Variants in SETD5 observed in about 807,000 individuals in gnomAD.
SETD5 encodes the protein SET domain containing 5, also known as histone-lysine N-methyltransferase SETD5.
A neutral mutation model predicts 153.3 loss-of-function variants in SETD5; 44 were observed. The ratio of observed to expected loss-of-function variants is 0.29; its 90% CI spans 0.23 to 0.37. SETD5 has a LOEUF of 0.37. SETD5 is among the 10% of genes least tolerant of loss of function. SETD5 has a pLI of 1.00. For missense variants in SETD5, 1,544 were observed against 1,768.0 expected, an observed-to-expected ratio of 0.87 and a Z score of 2.27; for synonymous variants, 716 against 645.2, an observed-to-expected ratio of 1.11 and a Z score of -1.66.
chr3:9,441,352 A>ATTT (rs375612987), intron 8 of SETD5, among the ~76,000 whole-genome samples: 2 of 138,160 alleles, frequency 1.4e-5, no homozygotes, highest in African/African-American at 5.3e-5. Context: ...TTAATCATGT[A>ATTT]TTTTTTTTTT....
intron 13 of SETD5, among the ~76,000 whole-genome samples, chr3:9,446,286 CAAAAA>C (rs577044895): frequency 2.6e-4 from 6 of 22,842 alleles, no homozygotes; most frequent in African/African-American, 7.2e-4. Context: ...GACTCCATCT[CAAAAA>C]AAAAAAAAAA....
intron 1 of SETD5, among the ~76,000 whole-genome samples, chr3:9,415,386 G>A (rs181820917): frequency 2.6e-3 from 394 of 152,218 alleles, no homozygotes; most frequent in African/African-American, 7.1e-3. Flanking sequence ...TGCTTTAGAT[G>A]ACAGGAACTG....
rs1352355513 is a variant in SETD5 at position 9,447,933 on chromosome 3, C to G, written c.2030C>G (p.Ser677Cys). ...SSGENRPLTG[S>C]DPTVVSITGS... Reference sequence around the variant, plus strand: ...GGAGAAAACAGGCCATTAACAGGGTCTGACCCAACTGTGGTGTCAATTACT... The same window carrying G: ...GGAGAAAACAGGCCATTAACAGGGTGTGACCCAACTGTGGTGTCAATTACT... Residue 677 changes from serine (S) to cysteine (C), a missense_variant, in exon 15 of 23, where the codon TCT becomes TGT. Ser to Cys is a moderately radical substitution (Grantham distance 112, BLOSUM62 -1). Transcript: ENST00000402198. The G allele has an allele frequency of 6.2e-7, 1 of 1,613,946 alleles. No homozygotes were observed. Among genetic ancestry groups the G allele is most frequent in the Non-Finnish European group, 8.5e-7 (1 of 1,179,868 alleles).
At position 9,403,879 on chromosome 3, in the gene SETD5, C is replaced by T. The variant is rs1175087009; in HGVS notation, c.-177+5902C>T. On this transcript the variant is annotated intron_variant, in intron 1 of 22. Transcript: ENST00000402198. Reference sequence around the variant, plus strand: ...GTTAAAGGATCGGTGTTCTGAACAACATTTTTAGTTACTTTTAAAATAAAT... The same window carrying T: ...GTTAAAGGATCGGTGTTCTGAACAATATTTTTAGTTACTTTTAAAATAAAT... Among the ~76,000 whole-genome samples, 4 of 152,222 alleles carry T rather than the reference C, an allele frequency of 2.6e-5. No homozygotes were observed. The East Asian group carries it at 7.7e-4, about 29-fold the overall frequency.
chr3:9,431,835 C>T, intron 3 of SETD5: 1 of 560,784 alleles, frequency 1.8e-6, no homozygotes, highest in Non-Finnish European at 2.3e-6. Context: ...CCCCCTCCCA[C>T]CAAAAAAAAA....
chr3:9,403,865 G>A (rs534613598), intron 1 of SETD5, among the ~76,000 whole-genome samples: 22 of 152,118 alleles, frequency 1.4e-4, no homozygotes, highest in African/African-American at 4.8e-4. Flanking sequence ...TTAAAGGATC[G>A]GTGTTCTGAA....
intron 1 of SETD5, among the ~76,000 whole-genome samples, chr3:9,413,852 A>C (rs1486514642): frequency 6.6e-6 from 1 of 151,958 alleles, no homozygotes. Flanking sequence ...ATCTCTTCTC[A>C]CTGCAACCTC....
chr3:9,473,095 G>T, intron 19 of SETD5, 141 bp from the exon 20 acceptor site: 1 of 987,000 alleles, frequency 1.0e-6, no homozygotes, highest in Non-Finnish European at 1.5e-6. Flanking sequence ...AAAGTTATCA[G>T]GGTTGGTGTC....
Position 9,433,835 on chromosome 3 carries a change from C to T in SETD5, c.72-10C>T. ...TATGCTATCATGCATTGCTTTTCGC[C>T]TTTGTGCAGCCCTGAATCTGTGGAG... On this transcript the variant is annotated splice_polypyrimidine_tract_variant and intron_variant, in intron 3 of 22. Coordinates refer to ENST00000402198, the MANE Select transcript of SETD5 (RefSeq NM_001080517.3). 1 of 1,613,354 alleles carries T rather than the reference C, an allele frequency of 6.2e-7. No individual in the cohort carries two copies. Among genetic ancestry groups the T allele is most frequent in the Non-Finnish European group, 8.5e-7 (1 of 1,179,482 alleles).
chr3:9,464,941 G>A (rs1174744315), intron 18 of SETD5: 5 of 492,602 alleles, frequency 1.0e-5, no homozygotes, highest in South Asian at 4.3e-5. Context: ...ATAAGTTTAG[G>A]TAGTAAGCAT....
chr3:9,447,948 T>G lies in SETD5; in HGVS notation c.2045T>G (p.Val682Gly). 6.2e-7 allele frequency: 1 copy of G among 1,613,944 alleles called. No homozygotes were observed. Among genetic ancestry groups the G allele is most frequent in the Non-Finnish European group, 8.5e-7 (1 of 1,179,852 alleles). Reference protein sequence around the residue: ...RPLTGSDPTVVSITGSHVNRA... With the variant: ...RPLTGSDPTVGSITGSHVNRA... ...TTAACAGGGTCTGACCCAACTGTGG[T>G]GTCAATTACTGGATCCCATGTCAAC... is the stretch of plus-strand genomic sequence containing the variant. Residue 682 changes from valine to glycine, a missense_variant, in exon 15 of 23, where the codon GTG becomes GGG. Physicochemically the swap from Val to Gly is moderately radical, Grantham distance 109. This residue lies in a region of SETD5 where 782 missense variants were observed against 787.2 expected (regional missense o/e 0.99). Coordinates refer to ENST00000402198, the MANE Select transcript of SETD5 (RefSeq NM_001080517.3).
chr3:9,441,762 G>T, intron 9 of SETD5, 21 bp downstream of exon 9: 1 of 1,613,860 alleles, frequency 6.2e-7, no homozygotes, highest in Non-Finnish European at 8.5e-7. Flanking sequence ...CATTCATTGA[G>T]CAGTGAGGGC....
chr3:9,471,483 A>G (rs1204492965), intron 19 of SETD5, among the ~76,000 whole-genome samples: 1 of 152,204 alleles, frequency 6.6e-6, no homozygotes, highest in Non-Finnish European at 1.5e-5. Flanking sequence ...CAGTAGAGGG[A>G]GTAGAACAGG....
At chr3:9,438,072 G>C (rs539449779) in intron 7 of SETD5, among the ~76,000 whole-genome samples, 1 of 152,116 alleles carries the variant, frequency 6.6e-6, no homozygotes, top group African/African-American at 2.4e-5. Flanking sequence ...AGTGTGACTG[G>C]TGTTAGCAAA....
Position 9,434,455 on chromosome 3 carries a change from A to T in SETD5, c.299A>T (p.Asp100Val). ...PTWCPCGLSQ[D>V]GFLLNCDKCR... ...TGGTGTCCTTGTGGTCTTTCTCAGG[A>T]TGGCTTCCTTCTCAACTGTGACAAG... Residue 100 changes from aspartate to valine, a missense_variant, in exon 5 of 23, where the codon GAT becomes GTT. Transcript: ENST00000402198. This position sits in a 1 kb window ranked among gnomAD's most constrained non-coding sequence, Gnocchi z 5.6. 6.2e-7 allele frequency: 1 copy of T among 1,613,918 alleles called. No homozygotes were observed. The highest frequency in any genetic ancestry group is 8.5e-7 in the Non-Finnish European group (1 of 1,179,880).
Position 9,476,791 on chromosome 3 carries a change from C to G in SETD5, c.*700C>G, listed in dbSNP as rs984837854. The G allele has an allele frequency of 6.6e-6, 1 of 152,490 alleles. No individual in the cohort carries two copies. The highest frequency in any genetic ancestry group is 1.5e-5 in the Non-Finnish European group (1 of 68,044). 9.4% of individuals were successfully genotyped at this position (152,490 alleles called of 1,614,324 possible). ...GGAGCAGATTATTTGAGTAGATTGT[C>G]TGAGCCTCCAACTGTTACCATCCTA... On this transcript the variant is annotated 3_prime_UTR_variant, in exon 23 of 23. Transcript: ENST00000402198.
chr3:9,464,951 T>A, intron 18 of SETD5: 1 of 468,910 alleles, frequency 2.1e-6, no homozygotes, highest in Non-Finnish European at 3.9e-6. Flanking sequence ...GTAGTAAGCA[T>A]GCTAGATCTC....
intron 1 of SETD5, among the ~76,000 whole-genome samples, chr3:9,420,058 G>C (rs971733672): frequency 1.3e-5 from 2 of 152,272 alleles, no homozygotes; most frequent in South Asian, 4.2e-4. Context: ...TAAATTATTT[G>C]AGGGCATCAT....
chr3:9,448,946 G>A (rs1000560169), intron 16 of SETD5, among the ~76,000 whole-genome samples: 4 of 152,170 alleles, frequency 2.6e-5, no homozygotes, highest in African/African-American at 9.7e-5. Flanking sequence ...GATATGTTTT[G>A]TGTGTGCTCT....
Sources: allele counts gnomAD v4.1 joint callset (sites outside exome capture counted in the v4.1 genomes callset), GRCh38; gene constraint gnomAD v4.1.1; regional missense constraint gnomAD v4.1.1; non-coding constraint Gnocchi (gnomAD v3.1); transcripts MANE v1.5; gene names NCBI Gene and HGNC (gene_info 2026-07-23, HGNC 2026-07-21).